NBEAL1: variants seen among roughly 807,000 people sequenced by gnomAD.
The protein encoded by NBEAL1 is neurobeachin-like protein 1.
In NBEAL1, 273 loss-of-function variants were observed where a neutral mutation model predicts 351.3. That is an observed-to-expected ratio of 0.78 (90% CI 0.70 to 0.86). The LOEUF (loss-of-function observed/expected upper bound fraction) is 0.86, where lower values mean the gene tolerates loss of function less well. Ranked by LOEUF, NBEAL1 falls within the 40% of genes least tolerant of loss-of-function variation. NBEAL1 has a pLI of 0.00. For synonymous variants in NBEAL1, 1,050 were observed against 1,086.4 expected (o/e 0.97, Z 0.66); for missense variants, 2,961 against 3,201.3 (o/e 0.92, Z 1.81).
chr2:203,207,218 C>A (rs1203893597), intron 51 of NBEAL1, among the ~76,000 whole-genome samples: 1 of 151,306 alleles, frequency 6.6e-6, no homozygotes, highest in African/African-American at 2.4e-5. Context: ...AGCCCCTCCG[C>A]CTGGCAGCCA....
chr2:203,084,712 A>T (rs1574947247), intron 10 of NBEAL1, 143 bp downstream of exon 10: 1 of 466,830 alleles, frequency 2.1e-6, no homozygotes, highest in East Asian at 3.5e-5. Context: ...TTTATCTTGA[A>T]TTGAAACTAG....
At chr2:203,110,305 T>G (rs1367101713) in intron 15 of NBEAL1, 23 bp downstream of exon 15, 1 of 1,542,580 alleles carries the variant, frequency 6.5e-7, no homozygotes, top group African/African-American at 1.4e-5. Context: ...GGCATCACAT[T>G]TAACTTCTAG....
intron 4 of NBEAL1, chr2:203,052,518 C>G (rs984690306): frequency 6.6e-6 from 1 of 152,104 alleles, no homozygotes; most frequent in Non-Finnish European, 1.5e-5. Context: ...GCTTCCTTCA[C>G]TTAGCAGTAT....
rs749237036 is a variant in NBEAL1 at position 203,110,164 on chromosome 2, G to A, written c.1964G>A (p.Ser655Asn). ...ATTTTTTTTAGTTTTTTTACAGGAA[G>A]TGGCATGGGTTTTGAAGCCTTTATT... is the stretch of plus-strand genomic sequence containing the variant. ...RKQLYSFFTGSGMGFEAFITH... is the reference protein window; with the variant it reads ...RKQLYSFFTGNGMGFEAFITH... Residue 655 changes from serine (S) to asparagine (N), a missense_variant, in exon 15 of 56, where the codon AGT becomes AAT. By Grantham distance (46) the Ser-to-Asn change is conservative. Coordinates refer to ENST00000683969, the MANE Select transcript of NBEAL1 (RefSeq NM_001378026.1). 3.2e-6 allele frequency: 5 copies of A among 1,545,240 alleles called. No homozygotes were observed. The South Asian group carries it at 6.1e-5, about 19-fold the overall frequency.
chr2:203,154,059 C>T (rs1223869101), intron 35 of NBEAL1, among the ~76,000 whole-genome samples: 1 of 151,894 alleles, frequency 6.6e-6, no homozygotes, highest in Non-Finnish European at 1.5e-5. Context: ...TCCTGGCTAA[C>T]ATGGTGAAAC....
rs758614383 is a variant in NBEAL1, at chr2:203,084,550, G to A, written c.1079G>A (p.Arg360Gln). Residue 360 changes from arginine (R) to glutamine (Q), a missense_variant, in exon 10 of 56, where the codon CGA becomes CAA. Arg to Gln is a conservative substitution (Grantham distance 43). Coordinates refer to ENST00000683969, the MANE Select transcript of NBEAL1 (RefSeq NM_001378026.1). Reference protein sequence around the residue: ...LNSNCFEHLIRLLQNCKLFLN... With the variant: ...LNSNCFEHLIQLLQNCKLFLN... The stretch of plus-strand genomic sequence containing the variant: ...AGCAATTGCTTTGAACATCTCATAC[G>A]ACTGCTACAGAACTGCAAGGTATTT... 6 of 1,528,026 alleles carry A rather than the reference G, an allele frequency of 3.9e-6. No homozygotes were observed. Among genetic ancestry groups the A allele is most frequent in the Admixed American group, 2.1e-5 (1 of 47,698 alleles). 94.7% of individuals were successfully genotyped at this position (1,528,026 alleles called of 1,614,324 possible). A position where few individuals can be genotyped will look rare whatever the true frequency, so the allele number is the denominator to read the frequency against.
chr2:203,034,350 G>A (rs1286272127), intron 2 of NBEAL1, among the ~76,000 whole-genome samples: 6 of 148,942 alleles, frequency 4.0e-5, no homozygotes, highest in African/African-American at 1.5e-4. Context: ...GTAGAGACAG[G>A]GTTTCACCAT....
At chr2:203,126,453 C>G (rs902423649) in intron 21 of NBEAL1, 104 bp from the exon 22 acceptor site, 7 of 946,400 alleles carry the variant, frequency 7.4e-6, no homozygotes, top group Non-Finnish European at 1.0e-5. Context: ...GTGGGTTTTT[C>G]TATTTTTATA....
intron 11 of NBEAL1, among the ~76,000 whole-genome samples, chr2:203,098,708 T>C (rs1312599021): frequency 2.0e-5 from 3 of 152,168 alleles, no homozygotes; most frequent in Admixed American, 2.0e-4. Context: ...CATACAACTT[T>C]TAGGATTAAA....
intron 27 of NBEAL1, among the ~76,000 whole-genome samples, chr2:203,134,937 A>ATC (rs2063163841): frequency 6.6e-6 from 1 of 152,196 alleles, no homozygotes; most frequent in Non-Finnish European, 1.5e-5. Context: ...GCACTTTGGG[A>ATC]AGCCGAGGCA....
chr2:203,130,303 G>A lies in NBEAL1; in HGVS notation c.3406-15G>A. 2 of 1,521,492 alleles carry A rather than the reference G, an allele frequency of 1.3e-6. No individual in the cohort carries two copies. The highest frequency in any genetic ancestry group is 2.6e-5 in the East Asian group (1 of 38,946). 94.2% of individuals were successfully genotyped at this position (1,521,492 alleles called of 1,614,324 possible). A position where few individuals can be genotyped will look rare whatever the true frequency, so the allele number is the denominator to read the frequency against. Reference sequence around the variant, plus strand: ...TGAATGTGGTGGTTTGTTTTGTGTTGTTTAATTTTAAAAGCTCTTTGGAAT... The same window carrying A: ...TGAATGTGGTGGTTTGTTTTGTGTTATTTAATTTTAAAAGCTCTTTGGAAT... On this transcript the variant is annotated splice_polypyrimidine_tract_variant and intron_variant, in intron 24 of 55. Transcript: ENST00000683969.
At chr2:203,216,588 A>G (rs10804132) in intron 55 of NBEAL1, among the ~76,000 whole-genome samples, 135,014 of 152,008 alleles carry the variant, frequency 0.89, 60,977 homozygotes, top group Non-Finnish European at 0.96. Flanking sequence ...AAACAAATAA[A>G]AAATTAATTA....
rs2065265177 is a variant in NBEAL1 at position 203,197,316 on chromosome 2, T to C, written c.7053T>C (p.Gly2351=). Residue 2351 remains glycine (G), a synonymous_variant, in exon 48 of 56, where the codon GGT becomes GGC. Transcript: ENST00000683969. ...TTATTTTATAGGGGATTAGTGATGG[T>C]ATTCCACTATTAAAGGCCACCATCC... is the stretch of plus-strand genomic sequence containing the variant. The part of the protein sequence containing the change: ...KSFFIEGISD[G]IPLLKATIPK... 1.3e-6 allele frequency: 2 copies of C among 1,584,512 alleles called. No homozygotes were observed. The highest frequency in any genetic ancestry group is 1.7e-6 in the Non-Finnish European group (2 of 1,153,072).
intron 10 of NBEAL1, among the ~76,000 whole-genome samples, chr2:203,094,645 G>A (rs969165861): frequency 3.3e-5 from 5 of 152,056 alleles, no homozygotes; most frequent in Non-Finnish European, 7.4e-5. Flanking sequence ...AAGGCTTCTC[G>A]GCTTGGCAAA....
intron 7 of NBEAL1, among the ~76,000 whole-genome samples, chr2:203,069,740 C>T (rs1453505738): frequency 3.9e-5 from 6 of 152,152 alleles, no homozygotes; most frequent in Non-Finnish European, 8.8e-5. Flanking sequence ...ACTATATAAC[C>T]TGCAACTTGT....
At chr2:203,042,731 G>A (rs953315362) in intron 3 of NBEAL1, among the ~76,000 whole-genome samples, 1 of 152,030 alleles carries the variant, frequency 6.6e-6, no homozygotes, top group Non-Finnish European at 1.5e-5. Context: ...GGGACTACAG[G>A]CGCACGCCAC....
intron 2 of NBEAL1, among the ~76,000 whole-genome samples, chr2:203,029,679 G>A (rs1327038177): frequency 7.4e-6 from 1 of 135,896 alleles, no homozygotes; most frequent in African/African-American, 2.9e-5. Context: ...GCAATAGAGT[G>A]AGACCCTGTC....
chr2:203,124,548 G>A (rs565388354), intron 19 of NBEAL1, among the ~76,000 whole-genome samples: 1 of 152,242 alleles, frequency 6.6e-6, no homozygotes, highest in South Asian at 2.1e-4. Flanking sequence ...TATTATCTAT[G>A]TGTATCCTAC....
At chr2:203,073,455 C>G (rs1388669258) in intron 7 of NBEAL1, among the ~76,000 whole-genome samples, 1 of 152,060 alleles carries the variant, frequency 6.6e-6, no homozygotes, top group East Asian at 1.9e-4. Context: ...ATTTTTCTCT[C>G]TTCTTTTTTC....
Sources: gnomAD v4.1 joint callset for allele counts (sites outside exome capture counted in the v4.1 genomes callset) on GRCh38, gnomAD v4.1.1 for gene constraint, MANE v1.5 for transcripts, NCBI Gene and HGNC (gene_info 2026-07-23, HGNC 2026-07-21) for gene names.